The following ANKFN1 variants were observed in gnomAD, a reference collection of about 807,000 sequenced individuals.
ANKFN1 encodes the protein ankyrin repeat and fibronectin type III domain containing 1, also known as ankyrin repeat and fibronectin type-III domain-containing protein 1.
In ANKFN1, 74 loss-of-function variants were observed where a neutral mutation model predicts 108.7. That is an observed-to-expected ratio of 0.68 (90% CI 0.56 to 0.83). ANKFN1 has a LOEUF of 0.83. Ranked by LOEUF, ANKFN1 falls within the 40% of genes least tolerant of loss-of-function variation. The pLI is 0.00. For missense variants in ANKFN1, 1,505 were observed against 1,382.3 expected, an observed-to-expected ratio of 1.09 and a Z score of -1.41; for synonymous variants, 547 against 516.2, an observed-to-expected ratio of 1.06 and a Z score of -0.81.
intron 4 of ANKFN1, among the ~76,000 whole-genome samples, chr17:56,120,461 T>C (rs983596519): frequency 3.3e-5 from 5 of 152,168 alleles, no homozygotes; most frequent in Non-Finnish European, 7.4e-5. Flanking sequence ...ATCCAACCCT[T>C]AGGATTTCTT....
At chr17:56,457,764 T>TAAAG in intron 13 of ANKFN1, 99 bp from the exon 14 acceptor site, 1 of 855,692 alleles carries the variant, frequency 1.2e-6, no homozygotes, top group Non-Finnish European at 1.9e-6. Context: ...AGAATAAACA[T>TAAAG]CAGGGGTCAG....
At chr17:56,240,402 A>G (rs1917492073) in intron 3 of ANKFN1, among the ~76,000 whole-genome samples, 1 of 152,208 alleles carries the variant, frequency 6.6e-6, no homozygotes, top group South Asian at 2.1e-4. Context: ...GTAGTATTCC[A>G]TTGCATGAAT....
upstream of ANKFN1, among the ~76,000 whole-genome samples, chr17:56,150,090 G>A (rs1195329274): frequency 1.3e-5 from 2 of 151,890 alleles, no homozygotes; most frequent in East Asian, 1.9e-4. Flanking sequence ...AAGTTTTTTG[G>A]CCTGAATTAT....
At chr17:56,181,166 T>C (rs1911644062) in intron 1 of ANKFN1, among the ~76,000 whole-genome samples, 1 of 152,230 alleles carries the variant, frequency 6.6e-6, no homozygotes, top group Non-Finnish European at 1.5e-5. Context: ...TCAATATATC[T>C]ATAGCATAAC....
chr17:56,253,886 T>C (rs993159580), intron 3 of ANKFN1, among the ~76,000 whole-genome samples: 3 of 152,194 alleles, frequency 2.0e-5, no homozygotes, highest in Non-Finnish European at 4.4e-5. Flanking sequence ...TATTGGAGTG[T>C]GCCCAGACAT....
chr17:56,064,165 C>T (rs1029038613), intron 4 of ANKFN1, among the ~76,000 whole-genome samples: 8 of 151,604 alleles, frequency 5.3e-5, no homozygotes, highest in Admixed American at 1.3e-4. Context: ...GAATCACTTC[C>T]GTATAAGATG....
chr17:56,167,270 TATAC>T (rs1443546070), intron 1 of ANKFN1, among the ~76,000 whole-genome samples: 2 of 36,464 alleles, frequency 5.5e-5, no homozygotes, highest in African/African-American at 1.6e-4. Context: ...TGTATATATA[TATAC>T]ATATATATAT....
intron 4 of ANKFN1, among the ~76,000 whole-genome samples, chr17:56,107,884 A>G (rs753875764): frequency 1.3e-5 from 2 of 152,050 alleles, no homozygotes; most frequent in Non-Finnish European, 2.9e-5. Flanking sequence ...TTTTTTTGAG[A>G]CAAAGTCTTG....
At position 56,346,082 on chromosome 17, in the gene ANKFN1, G is replaced by A. The variant is rs546169090; in HGVS notation, c.189-4684G>A. Reference sequence around the variant, plus strand: ...ATTTTTGTATAAGATGTGATGAAGGGGTTCAGTTTCTGTTTTCTGCATATG... The same window carrying A: ...ATTTTTGTATAAGATGTGATGAAGGAGTTCAGTTTCTGTTTTCTGCATATG... On this transcript the variant is annotated intron_variant, in intron 4 of 20. Transcript: ENST00000682825. Among the ~76,000 whole-genome samples the A allele has an allele frequency of 1.6e-4, 25 of 152,160 alleles. No homozygotes were observed. The South Asian group carries it at 3.7e-3, about 23-fold the overall frequency.
In ANKFN1 at chr17:56,062,573, T is replaced by TTTTTTTTTTTTTTTTTTTTTTTTTTC. The variant is rs1555589520; in HGVS notation, c.288+16248_288+16249insTTTTTTTTTTTTTTTTTTTTTTTTTC. 2.0e-4 allele frequency among the ~76,000 whole-genome samples: 29 copies of TTTTTTTTTTTTTTTTTTTTTTTTTTC among 145,188 alleles called. 1 individual carries two copies. Among genetic ancestry groups the TTTTTTTTTTTTTTTTTTTTTTTTTTC allele is most frequent in the African/African-American group, 7.6e-4 (27 of 35,296 alleles). On this transcript the variant is annotated intron_variant, in intron 4 of 12. Transcript: ENST00000635860. ...TGTAATCTCTGCTTTTTTTTTTTTT[T>TTTTTTTTTTTTTTTTTTTTTTTTTTC]CTTTCCATTTGCTTGGTAAATTTTC...
At chr17:56,204,690 T>C (rs1914369204) in intron 1 of ANKFN1, among the ~76,000 whole-genome samples, 1 of 152,202 alleles carries the variant, frequency 6.6e-6, no homozygotes, top group African/African-American at 2.4e-5. Context: ...ACTGTCATAA[T>C]ATAGACATTT....
intron 8 of ANKFN1, among the ~76,000 whole-genome samples, chr17:56,415,712 A>C (rs1945661233): frequency 1.3e-5 from 2 of 152,196 alleles, no homozygotes; most frequent in African/African-American, 2.4e-5. Context: ...TAGAAAAAAA[A>C]TTCTAAAATT....
Position 56,498,955 on chromosome 17 carries a change from T to C in ANKFN1, c.2501T>C (p.Val834Ala), listed in dbSNP as rs2051285604. The C allele has an allele frequency of 6.5e-7, 1 of 1,535,600 alleles. No individual in the cohort carries two copies. The highest frequency in any genetic ancestry group is 8.7e-7 in the Non-Finnish European group (1 of 1,146,638). Residue 834 changes from valine (V) to alanine (A), a missense_variant, in exon 20 of 21, where the codon GTT (valine) becomes GCT (alanine). By Grantham distance (64) the Val-to-Ala change is moderately conservative. Transcript: ENST00000682825. The stretch of plus-strand genomic sequence containing the variant: ...CAGTATGCAAGATACAAACAACCAG[T>C]TTCTGGCTTGCCCATCACTAAGCTG... Reference protein sequence around the residue: ...ALQYARYKQPVSGLPITKLID... With the variant: ...ALQYARYKQPASGLPITKLID...
chr17:56,282,292 T>TTGTGTG (rs112336440), intron 3 of ANKFN1, among the ~76,000 whole-genome samples: 42 of 147,832 alleles, frequency 2.8e-4, no homozygotes, highest in African/African-American at 9.4e-4. Context: ...GTGTGTGTGT[T>TTGTGTG]TGTGTGTGTG....
intron 11 of ANKFN1, among the ~76,000 whole-genome samples, chr17:56,454,058 ACTT>A (rs1051883667): frequency 6.6e-6 from 1 of 152,180 alleles, no homozygotes; most frequent in Non-Finnish European, 1.5e-5. Context: ...TTCTTAAATT[ACTT>A]CTTTAAGTAT....
At chr17:56,317,727 T>C (rs1387609061) in intron 3 of ANKFN1, among the ~76,000 whole-genome samples, 2 of 152,178 alleles carry the variant, frequency 1.3e-5, no homozygotes, top group African/African-American at 2.4e-5. Flanking sequence ...ATTTCCTTCC[T>C]GGTGTGTCCC....
At chr17:56,297,486 G>A (rs939689200) in intron 3 of ANKFN1, among the ~76,000 whole-genome samples, 1 of 152,178 alleles carries the variant, frequency 6.6e-6, no homozygotes, top group Non-Finnish European at 1.5e-5. Context: ...GCAGCTTCCA[G>A]AACAAGATTT....
intron 4 of ANKFN1, among the ~76,000 whole-genome samples, chr17:56,328,110 T>C (rs973533488): frequency 2.6e-5 from 4 of 152,204 alleles, no homozygotes; most frequent in African/African-American, 9.6e-5. Context: ...TGATTAGTGA[T>C]AACTGATTTG....
chr17:56,297,941 G>C (rs1368114012), intron 3 of ANKFN1, among the ~76,000 whole-genome samples: 2 of 152,136 alleles, frequency 1.3e-5, no homozygotes, highest in African/African-American at 4.8e-5. Context: ...TAATGGCTTG[G>C]GGGGAAATGC....
Sources: gnomAD v4.1 joint callset for allele counts (sites outside exome capture counted in the v4.1 genomes callset) on GRCh38, gnomAD v4.1.1 for gene constraint, MANE v1.5 for transcripts, NCBI Gene and HGNC (gene_info 2026-07-23, HGNC 2026-07-21) for gene names.